The following BLK variants were observed in gnomAD, a reference collection of about 807,000 sequenced individuals.
BLK encodes the protein tyrosine-protein kinase Blk.
BLK carries 64 observed loss-of-function variants against 61.8 expected under a neutral mutation model. The ratio of observed to expected loss-of-function variants is 1.03; its 90% confidence interval spans 0.85 to 1.27. BLK has a LOEUF of 1.27. Among genes scored for constraint, BLK ranks in the 50% most tolerant of loss-of-function variants. The pLI is 0.00. For synonymous variants in BLK, 351 were observed against 272.0 expected, an observed-to-expected ratio of 1.29 and a Z score of -2.86; for missense variants, 853 against 660.5, an observed-to-expected ratio of 1.29 and a Z score of -3.19.
At chr8:11,556,899 G>A (rs1043046927) in intron 9 of BLK, 62 bp downstream of exon 9, 2 of 1,572,038 alleles carry the variant, frequency 1.3e-6, no homozygotes, top group East Asian at 2.4e-5. Context: ...TTAGCAGGAG[G>A]AGGAGGGTCC....
rs550852062 is a variant in BLK, at chr8:11,513,213, C to T, written c.-2+18622C>T. Among the ~76,000 whole-genome samples, 15 of 152,254 alleles carry T rather than the reference C, an allele frequency of 9.9e-5. No individual in the cohort carries two copies. The South Asian group carries it at 1.7e-3, about 17-fold the overall frequency. ...CAGGGCTTGTCCTCAATGCACCACA[C>T]GCAGTTGGCTGATGAACTAGGACCT... On this transcript the variant is annotated intron_variant, in intron 1 of 12. Transcript: ENST00000259089.
chr8:11,497,598 C>G (rs796587418), intron 1 of BLK, among the ~76,000 whole-genome samples: 22 of 152,306 alleles, frequency 1.4e-4, no homozygotes, highest in African/African-American at 5.1e-4. Flanking sequence ...GTGCCTGGCC[C>G]ACCAGGGGTA....
chr8:11,495,122 C>T (rs758910413), intron 1 of BLK, among the ~76,000 whole-genome samples: 1 of 152,306 alleles, frequency 6.6e-6, no homozygotes, highest in Non-Finnish European at 1.5e-5. Flanking sequence ...TGATGATCTT[C>T]TTGTTTAAGA....
intron 1 of BLK, among the ~76,000 whole-genome samples, chr8:11,513,536 T>G (rs1025864904): frequency 1.3e-5 from 2 of 152,180 alleles, no homozygotes; most frequent in Non-Finnish European, 2.9e-5. Context: ...AAATCTGCGA[T>G]GCAATCATAG....
At chr8:11,500,239 G>A (rs1403062869) in intron 1 of BLK, among the ~76,000 whole-genome samples, 3 of 152,166 alleles carry the variant, frequency 2.0e-5, no homozygotes, top group East Asian at 1.9e-4. Flanking sequence ...TGTTGCCCAG[G>A]CTGGAGTGCA....
At chr8:11,505,748 A>G (rs1271984037) in intron 1 of BLK, among the ~76,000 whole-genome samples, 1 of 152,188 alleles carries the variant, frequency 6.6e-6, no homozygotes, top group East Asian at 1.9e-4. Context: ...ACAAGGGCCA[A>G]GTCTCCCATT....
chr8:11,522,346 A>G (rs1459905018), intron 1 of BLK, among the ~76,000 whole-genome samples: 1 of 152,212 alleles, frequency 6.6e-6, no homozygotes, highest in Non-Finnish European at 1.5e-5. Flanking sequence ...TAGTAAAACT[A>G]ATGTTTGACA....
intron 11 of BLK, among the ~76,000 whole-genome samples, chr8:11,562,483 A>G (rs1194086603): frequency 1.3e-5 from 2 of 152,312 alleles, no homozygotes; most frequent in African/African-American, 4.8e-5. Flanking sequence ...CCGGGGCTGC[A>G]GCCATTGAGG....
intron 1 of BLK, among the ~76,000 whole-genome samples, chr8:11,529,672 C>T (rs1799809864): frequency 6.6e-6 from 1 of 151,836 alleles, no homozygotes; most frequent in South Asian, 2.1e-4. Flanking sequence ...GAGGGTTCTT[C>T]TGGAATGCGC....
At position 11,564,318 on chromosome 8, in the gene BLK, G is replaced by T. The variant is rs915416865; in HGVS notation, c.*210G>T. On this transcript the variant is annotated 3_prime_UTR_variant, in exon 13 of 13. Transcript: ENST00000259089. ...GCGAGTTACGCGGCCTCTCTGTGCC[G>T]CTTCATTTGTAGAGGGCTGTAACAG... 1 of 714,690 alleles carries T rather than the reference G, an allele frequency of 1.4e-6. No homozygotes were observed. The highest frequency in any genetic ancestry group is 1.5e-5 in the South Asian group (1 of 66,986). 44.3% of individuals were successfully genotyped at this position (714,690 alleles called of 1,614,324 possible).
At chr8:11,528,805 G>A (rs1305563718) in intron 1 of BLK, among the ~76,000 whole-genome samples, 1 of 151,978 alleles carries the variant, frequency 6.6e-6, no homozygotes, top group Non-Finnish European at 1.5e-5. Context: ...TTGCATGGAA[G>A]TGGATGGAGG....
rs752198491 is a variant in BLK at position 11,563,886 on chromosome 8, G to C, written c.1313-17G>C. ...ACCCCAGCCCCTCACCCCCGCTTGC[G>C]GTCTCCTCTGCCGCAGGGATGAGCA... On this transcript the variant is annotated splice_polypyrimidine_tract_variant and intron_variant, in intron 12 of 12. Transcript: ENST00000259089. 10 of 1,605,104 alleles carry C rather than the reference G, an allele frequency of 6.2e-6. No individual in the cohort carries two copies. Among genetic ancestry groups the C allele is most frequent in the Non-Finnish European group, 7.6e-6 (9 of 1,177,772 alleles).
intron 1 of BLK, among the ~76,000 whole-genome samples, chr8:11,518,571 C>T (rs1799316594): frequency 6.6e-6 from 1 of 152,104 alleles, no homozygotes. Flanking sequence ...TGCCCTAGCT[C>T]TGCCATGGCC....
intron 1 of BLK, among the ~76,000 whole-genome samples, chr8:11,504,367 G>GGAAGAAAGA (rs1554540059): frequency 7.6e-5 from 3 of 39,378 alleles, no homozygotes; most frequent in Admixed American, 3.5e-4. Context: ...AAGGAAGGAA[G>GGAAGAAAGA]AAAGAAAAGA....
Position 11,543,211 on chromosome 8 carries a change from G to A in BLK, c.-1-13G>A. Reference sequence around the variant, plus strand: ...CTCTCTCATGTCCTCTGTCTGCTGTGTGTCTCCGACAGGATGGGGCTGGTA... The same window carrying A: ...CTCTCTCATGTCCTCTGTCTGCTGTATGTCTCCGACAGGATGGGGCTGGTA... On this transcript the variant is annotated splice_polypyrimidine_tract_variant and intron_variant, in intron 1 of 12. Coordinates refer to ENST00000259089, the MANE Select transcript of BLK (RefSeq NM_001715.3). 1 of 1,613,720 alleles carries A rather than the reference G, an allele frequency of 6.2e-7. No individual in the cohort carries two copies. Among genetic ancestry groups the A allele is most frequent in the Non-Finnish European group, 8.5e-7 (1 of 1,179,944 alleles).
At chr8:11,535,715 T>A (rs1234200173) in intron 1 of BLK, among the ~76,000 whole-genome samples, 1 of 152,320 alleles carries the variant, frequency 6.6e-6, no homozygotes, top group Non-Finnish European at 1.5e-5. Context: ...ATCACTAAAA[T>A]GGTGCAGGTA....
At chr8:11,509,680 T>G (rs970730580) in intron 1 of BLK, 2 of 152,240 alleles carry the variant, frequency 1.3e-5, no homozygotes, top group East Asian at 1.9e-4. Flanking sequence ...AGGGGCAGTC[T>G]GGCCACAGCC....
chr8:11,555,519 C>A (rs1315341860), intron 8 of BLK, 35 bp downstream of exon 8: 8 of 1,613,552 alleles, frequency 5.0e-6, no homozygotes, highest in Non-Finnish European at 6.8e-6. Context: ...ATTTCTCCCC[C>A]CATTCCACCT....
At chr8:11,547,895 G>A (rs1488274720) in intron 3 of BLK, 137 bp from the exon 4 acceptor site, 8 of 775,972 alleles carry the variant, frequency 1.0e-5, no homozygotes, top group African/African-American at 5.1e-5. Flanking sequence ...CTGGGGGTGG[G>A]GGCCTGTGCT....
Sources: allele counts gnomAD v4.1 joint callset (sites outside exome capture counted in the v4.1 genomes callset), GRCh38; gene constraint gnomAD v4.1.1; transcripts MANE v1.5; gene names NCBI Gene and HGNC (gene_info 2026-07-23, HGNC 2026-07-21).